Variants in FGGY observed in about 807,000 individuals in gnomAD.
FGGY encodes FGGY carbohydrate kinase domain containing, also known as FGGY carbohydrate kinase domain-containing protein.
A neutral mutation model predicts 71.3 loss-of-function variants in FGGY; 72 were observed. That is an observed-to-expected ratio of 1.01 (90% confidence interval 0.84 to 1.23). FGGY has a LOEUF of 1.23. Ranked by LOEUF, FGGY falls within the 50% of genes most tolerant of loss-of-function variation. The pLI is 0.00. For synonymous variants in FGGY, 251 were observed against 250.3 expected, an observed-to-expected ratio of 1.00 and a Z score of -0.02; for missense variants, 668 against 682.3, an observed-to-expected ratio of 0.98 and a Z score of 0.23.
intron 5 of FGGY, among the ~76,000 whole-genome samples, chr1:59,445,257 T>G (rs1318825521): frequency 6.6e-6 from 1 of 152,190 alleles, no homozygotes; most frequent in South Asian, 2.1e-4. Context: ...GTGTGGCCAC[T>G]TGCTTGCCTC....
chr1:59,432,849 C>T (rs1239448647), intron 5 of FGGY, among the ~76,000 whole-genome samples: 1 of 152,164 alleles, frequency 6.6e-6, no homozygotes, highest in Non-Finnish European at 1.5e-5. Flanking sequence ...AGTGACATGC[C>T]TGAGGTCACA....
intron 14 of FGGY, among the ~76,000 whole-genome samples, chr1:59,678,606 G>A (rs2097459866): frequency 6.6e-6 from 1 of 152,182 alleles, no homozygotes; most frequent in East Asian, 1.9e-4. Flanking sequence ...ACAGCAACAT[G>A]AAATGGCTCT....
rs180937586 is a variant in FGGY at position 59,624,645 on chromosome 1, C to T, written c.1012-1343C>T. Among the ~76,000 whole-genome samples the T allele has an allele frequency of 2.4e-3, 367 of 152,014 alleles. 5 individuals are homozygous for T. The highest frequency in any genetic ancestry group is 8.4e-3 in the African/African-American group (347 of 41,464). ...GAGGCGTCACAATCATAGCAGAAGG[C>T]GAAAGGCATGTCTAACATGGCGGCA... On this transcript the variant is annotated intron_variant, in intron 9 of 15. Transcript: ENST00000303721.
intron 5 of FGGY, among the ~76,000 whole-genome samples, chr1:59,405,992 A>T (rs2062676784): frequency 6.6e-6 from 1 of 151,924 alleles, no homozygotes; most frequent in Admixed American, 6.6e-5. Context: ...ATGAAGAAAA[A>T]CTAGAGAACA....
chr1:59,750,004 G>GA (rs1389127973), intron 14 of FGGY, among the ~76,000 whole-genome samples: 1 of 152,206 alleles, frequency 6.6e-6, no homozygotes, highest in Non-Finnish European at 1.5e-5. Context: ...TGGAAGTCAA[G>GA]AGACCAGTTA....
At chr1:59,613,298 T>A (rs1025855590) in intron 9 of FGGY, among the ~76,000 whole-genome samples, 4 of 152,178 alleles carry the variant, frequency 2.6e-5, no homozygotes, top group African/African-American at 4.8e-5. Context: ...ACAAACTGTC[T>A]CTCAGACCAC....
intron 13 of FGGY, among the ~76,000 whole-genome samples, chr1:59,671,691 C>A (rs1049326661): frequency 5.9e-5 from 9 of 152,134 alleles, no homozygotes; most frequent in Admixed American, 3.9e-4. Flanking sequence ...AGCCAAGCAC[C>A]ATTTTAAGAG....
At chr1:59,330,192 G>T (rs902405251) in intron 2 of FGGY, among the ~76,000 whole-genome samples, 3 of 151,924 alleles carry the variant, frequency 2.0e-5, no homozygotes, top group African/African-American at 7.3e-5. Context: ...TCACTTTTTG[G>T]ATTAATGTAT....
chr1:59,378,612 C>G (rs2058965617), intron 4 of FGGY, 137 bp from the exon 5 acceptor site: 1 of 635,626 alleles, frequency 1.6e-6, no homozygotes, highest in African/African-American at 1.9e-5. Flanking sequence ...TTATTCCTAC[C>G]CCCACCAAGC....
chr1:59,487,166 C>T (rs1449262650), intron 6 of FGGY, among the ~76,000 whole-genome samples: 2 of 152,144 alleles, frequency 1.3e-5, no homozygotes, highest in Non-Finnish European at 2.9e-5. Flanking sequence ...GAAGCCAACC[C>T]AGGGAAGAGC....
chr1:59,489,544 G>A (rs2093761329), intron 6 of FGGY, among the ~76,000 whole-genome samples: 2 of 152,014 alleles, frequency 1.3e-5, no homozygotes, highest in African/African-American at 2.4e-5. Flanking sequence ...CAAATGACAG[G>A]ATTTTGTTGT....
intron 14 of FGGY, among the ~76,000 whole-genome samples, chr1:59,754,434 G>C (rs1286095774): frequency 6.6e-6 from 1 of 150,780 alleles, no homozygotes; most frequent in Non-Finnish European, 1.5e-5. Flanking sequence ...GTTTTGTTTT[G>C]AGATAGAGTC....
chr1:59,669,565 T>A (rs1222866061), intron 13 of FGGY, among the ~76,000 whole-genome samples: 1 of 74,900 alleles, frequency 1.3e-5, no homozygotes, highest in Non-Finnish European at 2.9e-5. Flanking sequence ...TTTTTTTTTT[T>A]GTATTTTTTG....
intron 2 of FGGY, among the ~76,000 whole-genome samples, chr1:59,329,215 A>G (rs2047988724): frequency 6.6e-6 from 1 of 152,234 alleles, no homozygotes; most frequent in African/African-American, 2.4e-5. Flanking sequence ...AAATATCTCA[A>G]TAAAGCAAGT....
At chr1:59,600,617 G>T (rs79413219) in intron 8 of FGGY, among the ~76,000 whole-genome samples, 4,481 of 152,248 alleles carry the variant, frequency 0.029, 225 homozygotes, top group African/African-American at 0.1. Context: ...GTCCCAGAAA[G>T]TTGCAGAATT....
At chr1:59,427,295 C>G (rs1024676377) in intron 5 of FGGY, among the ~76,000 whole-genome samples, 2 of 152,146 alleles carry the variant, frequency 1.3e-5, no homozygotes, top group African/African-American at 4.8e-5. Context: ...CCACAAAAAT[C>G]CAGTTGGGAC....
At chr1:59,452,294 G>A (rs963760960) in intron 5 of FGGY, among the ~76,000 whole-genome samples, 1 of 151,968 alleles carries the variant, frequency 6.6e-6, no homozygotes, top group African/African-American at 2.4e-5. Context: ...GGTAAATTAA[G>A]ATAAAGATAA....
intron 14 of FGGY, among the ~76,000 whole-genome samples, chr1:59,697,077 T>C (rs2097666781): frequency 6.6e-6 from 1 of 152,136 alleles, no homozygotes; most frequent in African/African-American, 2.4e-5. Context: ...TTCAAAAAAT[T>C]TGAAAATGTT....
chr1:59,442,748 C>T (rs938487767), intron 5 of FGGY, among the ~76,000 whole-genome samples: 1 of 152,088 alleles, frequency 6.6e-6, no homozygotes, highest in African/African-American at 2.4e-5. Flanking sequence ...TACTTATGGC[C>T]GTTGTCATGA....
Sources: gnomAD v4.1 joint callset for allele counts (sites outside exome capture counted in the v4.1 genomes callset) on GRCh38, gnomAD v4.1.1 for gene constraint, MANE v1.5 for transcripts, NCBI Gene and HGNC (gene_info 2026-07-23, HGNC 2026-07-21) for gene names.